Variants in ZNF267 observed in about 807,000 individuals in gnomAD.
ZNF267 encodes zinc finger (C2H2).
A neutral mutation model predicts 71.6 loss-of-function variants in ZNF267; 61 were observed. The observed-to-expected ratio is 0.85, with a 90% CI of 0.69 to 1.05. The LOEUF is 1.05. Ranked by LOEUF, ZNF267 falls within the 50% of genes least tolerant of loss-of-function variation. ZNF267 has a pLI of 0.00. For synonymous variants in ZNF267, 288 were observed against 293.2 expected, an observed-to-expected ratio of 0.98 and a Z score of 0.18; for missense variants, 852 against 870.0, an observed-to-expected ratio of 0.98 and a Z score of 0.26.
chr16:31,884,418 A>G (rs2083909581), intron 1 of ZNF267, 80 bp from the exon 2 acceptor site: 4 of 1,589,188 alleles, frequency 2.5e-6, no homozygotes, highest in Admixed American at 1.7e-5. Context: ...GTCAGAACCA[A>G]TAACTGTCAT....
chr16:31,911,979 C>G (rs1456281324), intron 3 of ZNF267: 1 of 151,544 alleles, frequency 6.6e-6, no homozygotes, highest in East Asian at 1.9e-4. Flanking sequence ...CCCCATTTTT[C>G]AACTTTTTGT....
At position 31,873,857 on chromosome 16, in the gene ZNF267, G is replaced by C. The variant is rs780140087; in HGVS notation, c.-110G>C. 5.4e-6 allele frequency: 8 copies of C among 1,468,006 alleles called. No homozygotes were observed. Among genetic ancestry groups the C allele is most frequent in the African/African-American group, 1.4e-5 (1 of 71,954 alleles). The allele number at this position is 1,468,006 out of a possible 1,614,324, so 90.9% of individuals were successfully genotyped here. ...CAGCTCCGAGTCTTTCGTTCTGGGA[G>C]GCCCAGGCGGCTTCGCGTTCTGAGA... On this transcript the variant is annotated 5_prime_UTR_variant, in exon 1 of 4. Transcript: ENST00000300870.
chr16:31,895,171 G>A (rs1188361575), intron 3 of ZNF267, among the ~76,000 whole-genome samples: 4 of 152,332 alleles, frequency 2.6e-5, no homozygotes, highest in South Asian at 2.1e-4. Flanking sequence ...GGGTGAGCTC[G>A]GGAGCTGACG....
intron 3 of ZNF267, among the ~76,000 whole-genome samples, chr16:31,906,192 C>T (rs2084088469): frequency 6.6e-6 from 1 of 152,210 alleles, no homozygotes; most frequent in Non-Finnish European, 1.5e-5. Context: ...CAGTCAGCTC[C>T]TACTGGGGGG....
In ZNF267 at chr16:31,912,092, A is replaced by G. The variant is rs560517353; in HGVS notation, c.227-2384A>G. 9.2e-5 allele frequency: 14 copies of G among 151,740 alleles called. 2 individuals are homozygous for G. Among genetic ancestry groups the G allele is most frequent in the African/African-American group, 3.2e-4 (13 of 41,082 alleles). 9.4% of individuals were successfully genotyped at this position (151,740 alleles called of 1,614,324 possible). On this transcript the variant is annotated intron_variant, in intron 3 of 3. Coordinates refer to ENST00000300870, the MANE Select transcript of ZNF267 (RefSeq NM_003414.6). ...TCTACTTGAGTATTTTACACACCAC[A>G]GTTACCATATTATAATACTCAGTTT...
intron 1 of ZNF267, among the ~76,000 whole-genome samples, chr16:31,881,506 A>G (rs768536001): frequency 9.9e-5 from 15 of 152,162 alleles, no homozygotes; most frequent in Non-Finnish European, 1.8e-4. Context: ...CTTTTTCAAA[A>G]TTATTTGAAA....
intron 3 of ZNF267, among the ~76,000 whole-genome samples, chr16:31,905,197 TTC>T (rs2084078284): frequency 6.6e-6 from 1 of 152,214 alleles, no homozygotes; most frequent in Admixed American, 6.5e-5. Context: ...AACCTGACCT[TTC>T]TCTCTGGCTG....
chr16:31,896,228 C>CAAATGCAAATATGCAAATG (rs2083997607), intron 3 of ZNF267, among the ~76,000 whole-genome samples: 1 of 152,096 alleles, frequency 6.6e-6, no homozygotes, highest in Non-Finnish European at 1.5e-5. Flanking sequence ...GCCCAGGATG[C>CAAATGCAAATATGCAAATG]CCTCGATTCC....
At chr16:31,878,957 T>G (rs544532579) in intron 1 of ZNF267, among the ~76,000 whole-genome samples, 1 of 152,296 alleles carries the variant, frequency 6.6e-6, no homozygotes, top group Admixed American at 6.5e-5. Context: ...TTTTTTTTCT[T>G]AAAGCATTTA....
intron 1 of ZNF267, among the ~76,000 whole-genome samples, chr16:31,882,651 A>G (rs963636762): frequency 3.9e-5 from 6 of 152,300 alleles, no homozygotes; most frequent in East Asian, 3.9e-4. Context: ...TTGAAGATCT[A>G]TGGTCACCTG....
chr16:31,888,460 CTT>C lies in ZNF267; in HGVS notation c.226+3206_226+3207del, dbSNP rs201261976. Among the ~76,000 whole-genome samples the C allele has an allele frequency of 7.3e-3, 1,113 of 152,100 alleles. 19 individuals are homozygous for C. The highest frequency in any genetic ancestry group is 0.025 in the African/African-American group (1,049 of 41,530). On this transcript the variant is annotated intron_variant, in intron 3 of 3. Transcript: ENST00000300870. ...GTCTTGTTTCTGATACTAGAGGAAACTTTCAGCATTTCACTGTTTACTCTGTT... is the reference window on the plus strand; with the variant it reads ...GTCTTGTTTCTGATACTAGAGGAAACTCAGCATTTCACTGTTTACTCTGTT...
chr16:31,888,512 T>C (rs1055609141), intron 3 of ZNF267, among the ~76,000 whole-genome samples: 2 of 152,106 alleles, frequency 1.3e-5, no homozygotes, highest in Non-Finnish European at 2.9e-5. Flanking sequence ...TGTATGTATG[T>C]TGTTTGGAGT....
chr16:31,890,176 C>G (rs1322887250), intron 3 of ZNF267: 1 of 151,872 alleles, frequency 6.6e-6, no homozygotes, highest in Non-Finnish European at 1.5e-5. Flanking sequence ...TTAGTTTTCT[C>G]TCTAAATATT....
At chr16:31,906,249 G>C (rs1380766353) in intron 3 of ZNF267, among the ~76,000 whole-genome samples, 1 of 152,258 alleles carries the variant, frequency 6.6e-6, no homozygotes, top group Non-Finnish European at 1.5e-5. Flanking sequence ...GAGGCAGTCT[G>C]CCCATTCTCA....
In ZNF267 at chr16:31,901,574, C is replaced by G. The variant is rs996767807; in HGVS notation, c.227-12902C>G. On this transcript the variant is annotated intron_variant, in intron 3 of 3. Coordinates refer to ENST00000300870, the MANE Select transcript of ZNF267 (RefSeq NM_003414.6). ...TGATGATGAGCATTTTTTCATGTGT[C>G]TTTTGGCTGCATAAATGTCTTCTTT... Among the ~76,000 whole-genome samples the G allele has an allele frequency of 1.3e-4, 20 of 152,182 alleles. No individual in the cohort carries two copies. The South Asian group carries it at 3.7e-3, about 28-fold the overall frequency.
intron 3 of ZNF267, chr16:31,894,932 A>C (rs2083987052): frequency 3.0e-5 from 11 of 360,984 alleles, no homozygotes; most frequent in South Asian, 3.0e-4. Flanking sequence ...GCATTTCTGG[A>C]ATCTCAGTGT....
At chr16:31,910,899 ATTTG>A in intron 3 of ZNF267, among the ~76,000 whole-genome samples, 1 of 151,210 alleles carries the variant, frequency 6.6e-6, no homozygotes, top group East Asian at 1.9e-4. Flanking sequence ...TTTTTTCATT[ATTTG>A]TTTGAAGAAA....
At chr16:31,901,213 G>A (rs1162885241) in intron 3 of ZNF267, among the ~76,000 whole-genome samples, 2 of 151,878 alleles carry the variant, frequency 1.3e-5, no homozygotes, top group East Asian at 3.8e-4. Flanking sequence ...TTGGACATTT[G>A]GGTTGGTTCC....
chr16:31,905,366 T>C (rs2084080127), intron 3 of ZNF267, among the ~76,000 whole-genome samples: 1 of 152,230 alleles, frequency 6.6e-6, no homozygotes, highest in Non-Finnish European at 1.5e-5. Flanking sequence ...TCCTGGATAA[T>C]ATCCTGCAGA....
Sources: allele counts gnomAD v4.1 joint callset (sites outside exome capture counted in the v4.1 genomes callset), GRCh38; gene constraint gnomAD v4.1.1; transcripts MANE v1.5; gene names NCBI Gene and HGNC (gene_info 2026-07-23, HGNC 2026-07-21).